Variants in MYO1F observed in about 807,000 individuals in gnomAD.
MYO1F encodes unconventional myosin-If.
Under a neutral mutation model 146.6 loss-of-function variants are expected in MYO1F, and 60 were observed. That is an observed-to-expected ratio of 0.41 (90% CI 0.33 to 0.51). The LOEUF is 0.51. Among genes scored for constraint, MYO1F ranks in the 20% least tolerant of loss-of-function variants. MYO1F has a pLI of 0.25. For synonymous variants in MYO1F, 602 were observed against 602.1 expected (o/e 1.00, Z 0.00); for missense variants, 1,274 against 1,534.3 (o/e 0.83, Z 2.83).
At chr19:8,534,877 G>A (rs899007577) in intron 19 of MYO1F, among the ~76,000 whole-genome samples, 1 of 150,632 alleles carries the variant, frequency 6.6e-6, no homozygotes, top group Non-Finnish European at 1.5e-5. Context: ...CACTCGCCTC[G>A]GCTTCCCAAA....
intron 15 of MYO1F, among the ~76,000 whole-genome samples, chr19:8,541,376 ATTAC>A (rs1972955494): frequency 7.2e-6 from 1 of 138,018 alleles, no homozygotes; most frequent in Non-Finnish European, 1.5e-5. Context: ...TCCCCGTCTT[ATTAC>A]TTTACATCTA....
intron 1 of MYO1F, among the ~76,000 whole-genome samples, chr19:8,561,645 C>T: frequency 7.3e-6 from 1 of 137,530 alleles, no homozygotes; most frequent in Non-Finnish European, 1.5e-5. Context: ...TCCTTCTTTC[C>T]TTCCATTTTT....
At chr19:8,546,023 G>A (rs1466818634) in intron 12 of MYO1F, among the ~76,000 whole-genome samples, 3 of 149,506 alleles carry the variant, frequency 2.0e-5, no homozygotes, top group African/African-American at 7.4e-5. Flanking sequence ...GTTGTCCACA[G>A]CATAACGTGC....
chr19:8,546,320 T>G (rs1176609807), intron 12 of MYO1F, among the ~76,000 whole-genome samples: 1 of 151,866 alleles, frequency 6.6e-6, no homozygotes, highest in Middle Eastern at 3.4e-3. Flanking sequence ...CACCTCGGCC[T>G]CCCAAAGTGC....
chr19:8,525,337 G>A lies in MYO1F; in HGVS notation c.2854+142C>T, dbSNP rs1001067717. The A allele has an allele frequency of 2.0e-5, 15 of 738,150 alleles. No homozygotes were observed. The East Asian group carries it at 2.5e-4, about 12-fold the overall frequency. 45.7% of individuals were successfully genotyped at this position (738,150 alleles called of 1,614,324 possible). On this transcript the variant is annotated intron_variant, in intron 25 of 27. Transcript: ENST00000644032. The stretch of plus-strand genomic sequence containing the variant: ...AAACTAAGTTTAGCCTTTATTCTGC[G>A]GGAGATGTGGAGCTACGGAGAGTCC...
Position 8,545,668 on chromosome 19 carries a change from G to T in MYO1F, c.1338C>A (p.Asp446Glu). ...IQYFNNKVVC[D>E]LIENKLSPPG... ...CCCTCACCAGCTTGTTTTCGATGAG[G>T]TCACAGACGACCTTGTTGTTGAAGT... The change falls in exon 13 of 28, where the codon GAC becomes GAA. Residue 446 changes from aspartate (D) to glutamate (E), a missense_variant. Physicochemically the swap from Asp to Glu is conservative, Grantham distance 45. This residue lies in a region of MYO1F where 900 missense variants were observed against 1,155.1 expected (regional missense o/e 0.78). Coordinates refer to ENST00000644032, the MANE Select transcript of MYO1F (RefSeq NM_012335.4). The T allele has an allele frequency of 1.2e-6, 2 of 1,614,080 alleles. No homozygotes were observed. The highest frequency in any genetic ancestry group is 1.7e-6 in the Non-Finnish European group (2 of 1,179,966).
intron 14 of MYO1F, chr19:8,543,978 C>CTGGTGCTGGTGG (rs1433599615): frequency 1.8e-5 from 3 of 167,628 alleles, no homozygotes; most frequent in Admixed American, 9.7e-5. Context: ...GGTGCTGGTG[C>CTGGTGCTGGTGG]TGGTGCTGGT....
Position 8,550,269 on chromosome 19 carries a change from C to T in MYO1F, c.992G>A (p.Gly331Asp), listed in dbSNP as rs1239023406. 6.2e-7 allele frequency: 1 copy of T among 1,614,184 alleles called. No homozygotes were observed. The highest frequency in any genetic ancestry group is 8.5e-7 in the Non-Finnish European group (1 of 1,180,050). Residue 331 changes from glycine to aspartate, a missense_variant, in exon 10 of 28, where the codon GGC (glycine) becomes GAC (aspartate). This residue lies in a region of MYO1F where 900 missense variants were observed against 1,155.1 expected (regional missense o/e 0.78). Transcript: ENST00000644032. ...CACATTGATGGACTCGCTGCGCCCGCCCCAGCGGCTGTCCATCTTGCGGCT... is the reference window on the plus strand; with the variant it reads ...CACATTGATGGACTCGCTGCGCCCGTCCCAGCGGCTGTCCATCTTGCGGCT... ...LTSRKMDSRW[G>D]GRSESINVTL...
intron 15 of MYO1F, chr19:8,541,681 G>A (rs1972977950): frequency 1.1e-5 from 6 of 556,634 alleles, no homozygotes; most frequent in African/African-American, 1.9e-5. Context: ...TGTCCACTTC[G>A]GCCTCCCAAA....
intron 25 of MYO1F, among the ~76,000 whole-genome samples, 182 bp from the exon 26 acceptor site, chr19:8,523,011 G>A (rs1972122620): frequency 6.7e-6 from 1 of 149,812 alleles, no homozygotes; most frequent in Admixed American, 6.8e-5. Flanking sequence ...GCTTTTTTAA[G>A]CATAATTTTA....
chr19:8,524,458 G>A (rs1262766866), intron 25 of MYO1F, among the ~76,000 whole-genome samples: 3 of 149,214 alleles, frequency 2.0e-5, no homozygotes, highest in South Asian at 2.1e-4. Context: ...GGTAGCACAC[G>A]CCTGTAGTCC....
Position 8,543,861 on chromosome 19 carries a change from G to A in MYO1F, c.1524+436C>T, listed in dbSNP as rs1373523608. Among the ~76,000 whole-genome samples, 163 of 59,028 alleles carry A rather than the reference G, an allele frequency of 2.8e-3. 6 individuals carry two copies. Among genetic ancestry groups the A allele is most frequent in the Middle Eastern group, 6.7e-3 (1 of 150 alleles). 38.7% of individuals were successfully genotyped at this position (59,028 alleles called of 152,430 possible). ...GGTGGTGGTGGTGGTGGTGGTGCTG[G>A]TGGTGCTGGTGGTGCTGGTGGTGGT... is the stretch of plus-strand genomic sequence containing the variant. On this transcript the variant is annotated intron_variant, in intron 14 of 27. Coordinates refer to ENST00000644032, the MANE Select transcript of MYO1F (RefSeq NM_012335.4).
Position 8,537,000 on chromosome 19 carries a change from C to T in MYO1F, c.1748G>A (p.Arg583His), listed in dbSNP as rs1169285266. 5.0e-6 allele frequency: 8 copies of T among 1,611,810 alleles called. No individual in the cohort carries two copies. The highest frequency in any genetic ancestry group is 6.8e-6 in the Non-Finnish European group (8 of 1,179,466). Reference sequence around the variant, plus strand: ...CTTGGTCTCGTTGGGTTTGATGCAGCGGATGTAGTGGGGTGTGCACCTCAT... The same window carrying T: ...CTTGGTCTCGTTGGGTTTGATGCAGTGGATGTAGTGGGGTGTGCACCTCAT... Reference protein sequence around the residue: ...TLMRCTPHYIRCIKPNETKRP... With the variant: ...TLMRCTPHYIHCIKPNETKRP... Residue 583 changes from arginine (R) to histidine (H), a missense_variant, in exon 17 of 28, where the codon CGC (arginine) becomes CAC (histidine). Physicochemically the swap from Arg to His is conservative, Grantham distance 29 (BLOSUM62 0). Transcript: ENST00000644032.
At chr19:8,556,887 C>CAAA (rs534645939) in intron 1 of MYO1F, among the ~76,000 whole-genome samples, 59 of 69,062 alleles carry the variant, frequency 8.5e-4, no homozygotes, top group African/African-American at 1.4e-3. Flanking sequence ...AACTCTGTCT[C>CAAA]AAAAAAAAAA....
Position 8,521,472 on chromosome 19 carries a change from C to T in MYO1F, c.*56G>A. ...CTCATTGGCAGGGCCTGGCTCCCCA[C>T]CAGGCCGGCAGGCAGATAGGCGGGC... On this transcript the variant is annotated 3_prime_UTR_variant, in exon 28 of 28. Transcript: ENST00000644032. 1 of 1,587,510 alleles carries T rather than the reference C, an allele frequency of 6.3e-7. No homozygotes were observed.
chr19:8,521,338 G>A lies in MYO1F; in HGVS notation c.*190C>T. 1.5e-6 allele frequency: 1 copy of A among 646,994 alleles called. No individual in the cohort carries two copies. Among genetic ancestry groups the A allele is most frequent in the Non-Finnish European group, 2.8e-6 (1 of 356,566 alleles). 40.1% of individuals were successfully genotyped at this position (646,994 alleles called of 1,614,324 possible). On this transcript the variant is annotated 3_prime_UTR_variant, in exon 28 of 28. Coordinates refer to ENST00000644032, the MANE Select transcript of MYO1F (RefSeq NM_012335.4). ...CAGGTGTGATGTTGGAGGAAGACCA[G>A]GGCCCAGGGGCGGGGGCTGCAGCAG...
chr19:8,530,425 C>G lies in MYO1F; in HGVS notation c.2158+34G>C, dbSNP rs757027395. 6.2e-7 allele frequency: 1 copy of G among 1,613,554 alleles called. No individual in the cohort carries two copies. The highest frequency in any genetic ancestry group is 1.3e-5 in the African/African-American group (1 of 74,898). On this transcript the variant is annotated intron_variant, in intron 20 of 27. Transcript: ENST00000644032. The surrounding 1 kb of genome is among the most constrained non-coding windows in gnomAD (Gnocchi z 5.8). The stretch of plus-strand genomic sequence containing the variant: ...ATACAGCTCCTCCAGGTCCTTGTGC[C>G]CCCACCCCGCGCCGTTTACCCGAAG...
At position 8,577,003 on chromosome 19, in the gene MYO1F, A is replaced by T; in HGVS notation, c.3+304T>A. 1 of 563,204 alleles carries T rather than the reference A, an allele frequency of 1.8e-6. No individual in the cohort carries two copies. The highest frequency in any genetic ancestry group is 2.1e-5 in the South Asian group (1 of 46,578). 34.9% of individuals were successfully genotyped at this position (563,204 alleles called of 1,614,324 possible). A position where few individuals can be genotyped will look rare whatever the true frequency, so the allele number is the denominator to read the frequency against. On this transcript the variant is annotated intron_variant, in intron 1 of 27. Transcript: ENST00000644032. This position sits in a 1 kb window ranked among gnomAD's most constrained non-coding sequence, Gnocchi z 4.3. Reference sequence around the variant, plus strand: ...GGCTCCCTTAATTTGCAAGCAAAGGAGGCTATGTCCTTGTCCCTGCAGACT... The same window carrying T: ...GGCTCCCTTAATTTGCAAGCAAAGGTGGCTATGTCCTTGTCCCTGCAGACT...
At chr19:8,548,414 G>T in intron 10 of MYO1F, 97 bp from the exon 11 acceptor site, 2 of 1,116,752 alleles carry the variant, frequency 1.8e-6, no homozygotes, top group Non-Finnish European at 2.7e-6. Flanking sequence ...AACTTCATGG[G>T]TGATGTCCCC....
Sources: allele counts gnomAD v4.1 joint callset (sites outside exome capture counted in the v4.1 genomes callset), GRCh38; gene constraint gnomAD v4.1.1; regional missense constraint gnomAD v4.1.1; non-coding constraint Gnocchi (gnomAD v3.1); transcripts MANE v1.5; gene names NCBI Gene and HGNC (gene_info 2026-07-23, HGNC 2026-07-21).